The following ADARB2 variants were observed in gnomAD, a reference collection of about 807,000 sequenced individuals.
The protein encoded by ADARB2 is adenosine deaminase RNA specific B2 (inactive), also known as inactive double-stranded RNA-specific editase B2.
Under a neutral mutation model 62.2 loss-of-function variants are expected in ADARB2, and 25 were observed. The observed-to-expected ratio is 0.40, with a 90% CI of 0.29 to 0.56. The LOEUF is 0.56. Among genes scored for constraint, ADARB2 ranks in the 20% least tolerant of loss-of-function variants. The pLI is 0.43. For synonymous variants in ADARB2, 572 were observed against 500.8 expected (o/e 1.14, Z -1.90); for missense variants, 1,071 against 1,077.4 (o/e 0.99, Z 0.08).
chr10:1,373,654 G>T (rs1403620792), intron 2 of ADARB2, among the ~76,000 whole-genome samples: 3 of 152,178 alleles, frequency 2.0e-5, no homozygotes, highest in African/African-American at 7.2e-5. Context: ...CAGAAAGCAG[G>T]ATGGCATGGT....
intron 1 of ADARB2, among the ~76,000 whole-genome samples, chr10:1,580,034 G>A (rs79186033): frequency 0.15 from 22,636 of 152,220 alleles, 2,161 homozygotes; most frequent in Non-Finnish European, 0.21. Context: ...CAACTTGGAC[G>A]AGGCAGACGA....
chr10:1,610,277 G>A (rs1274316284), intron 1 of ADARB2, among the ~76,000 whole-genome samples: 1 of 152,150 alleles, frequency 6.6e-6, no homozygotes, highest in Non-Finnish European at 1.5e-5. Context: ...CAAGGTGCTG[G>A]CTGGGAACCC....
chr10:1,311,617 A>C (rs1831691866), intron 3 of ADARB2, among the ~76,000 whole-genome samples: 2 of 152,082 alleles, frequency 1.3e-5, no homozygotes, highest in Admixed American at 6.5e-5. Flanking sequence ...TAGAGACCCC[A>C]CCACACAGAT....
intron 1 of ADARB2, 78 bp downstream of exon 1, chr10:1,736,973 C>A (rs543652914): frequency 1.4e-6 from 2 of 1,454,738 alleles, no homozygotes; most frequent in Non-Finnish European, 1.9e-6. Context: ...CGGACAAGCC[C>A]GGAGACCCCA....
intron 1 of ADARB2, among the ~76,000 whole-genome samples, chr10:1,683,095 A>T (rs1790629074): frequency 6.6e-6 from 1 of 152,210 alleles, no homozygotes; most frequent in South Asian, 2.1e-4. Flanking sequence ...TTCATGCTTT[A>T]CTTATGGGAT....
chr10:1,405,405 A>G (rs1321167561), intron 1 of ADARB2, among the ~76,000 whole-genome samples: 1 of 152,106 alleles, frequency 6.6e-6, no homozygotes, highest in East Asian at 1.9e-4. Context: ...TAAGGGTTCA[A>G]GATTCAATGT....
chr10:1,327,726 C>T lies in ADARB2; in HGVS notation c.1077+35302G>A, dbSNP rs184486314. ...AGTTTAGTGCCTACCCACAGTTCAG[C>T]ACCTCCCACGGCACAGCGCCTCACT... On this transcript the variant is annotated intron_variant, in intron 3 of 9. Transcript: ENST00000381312. Among the ~76,000 whole-genome samples, 19 of 50,170 alleles carry T rather than the reference C, an allele frequency of 3.8e-4. 2 individuals carry two copies. Among genetic ancestry groups the T allele is most frequent in the Non-Finnish European group, 4.8e-4 (10 of 21,002 alleles). 32.9% of individuals were successfully genotyped at this position (50,170 alleles called of 152,430 possible). A position where few individuals can be genotyped will look rare whatever the true frequency, so the allele number is the denominator to read the frequency against.
chr10:1,367,901 T>C (rs1832327345), intron 2 of ADARB2, among the ~76,000 whole-genome samples: 2 of 152,222 alleles, frequency 1.3e-5, no homozygotes, highest in African/African-American at 4.8e-5. Flanking sequence ...TTTTCCATGG[T>C]ATAAACCATG....
chr10:1,399,171 G>A (rs1832641072), intron 1 of ADARB2, among the ~76,000 whole-genome samples: 1 of 152,194 alleles, frequency 6.6e-6, no homozygotes, highest in African/African-American at 2.4e-5. Flanking sequence ...GCCTACAGGG[G>A]CCAATGGCAG....
intron 2 of ADARB2, among the ~76,000 whole-genome samples, chr10:1,370,059 C>T (rs1832354143): frequency 1.3e-5 from 2 of 152,180 alleles, no homozygotes; most frequent in African/African-American, 4.8e-5. Context: ...GTTGCAGACA[C>T]TCAGAATGCG....
At chr10:1,260,110 C>G (rs1327702495) in intron 4 of ADARB2, among the ~76,000 whole-genome samples, 5 of 129,800 alleles carry the variant, frequency 3.9e-5, no homozygotes, top group Admixed American at 1.5e-4. Flanking sequence ...ACCCTTCATG[C>G]TAAAAAAACC....
chr10:1,498,110 C>T (rs1053051511), intron 1 of ADARB2, among the ~76,000 whole-genome samples: 5 of 152,106 alleles, frequency 3.3e-5, no homozygotes, highest in South Asian at 2.1e-4. Context: ...TGGTGGCTCA[C>T]GCTTGTAATC....
At chr10:1,680,348 TG>T (rs1422684192) in intron 1 of ADARB2, among the ~76,000 whole-genome samples, 2 of 152,108 alleles carry the variant, frequency 1.3e-5, no homozygotes, top group Admixed American at 1.3e-4. Flanking sequence ...AAATAACCTT[TG>T]GGTCCTCCCT....
intron 3 of ADARB2, among the ~76,000 whole-genome samples, chr10:1,330,939 A>C (rs1023587310): frequency 2.0e-5 from 3 of 152,212 alleles, no homozygotes; most frequent in Non-Finnish European, 2.9e-5. Flanking sequence ...CTCAGCAATA[A>C]GTAGGCCCAA....
intron 1 of ADARB2, among the ~76,000 whole-genome samples, chr10:1,633,549 C>T (rs912698805): frequency 5.9e-5 from 6 of 101,610 alleles, no homozygotes; most frequent in Non-Finnish European, 9.1e-5. Flanking sequence ...GTCTATCTAT[C>T]ATCTATCTAT....
At chr10:1,243,855 C>T (rs1053701447) in intron 4 of ADARB2, among the ~76,000 whole-genome samples, 6 of 152,316 alleles carry the variant, frequency 3.9e-5, no homozygotes, top group East Asian at 3.9e-4. Context: ...TTTCTGTGCC[C>T]GAAGAGAACT....
intron 1 of ADARB2, among the ~76,000 whole-genome samples, chr10:1,722,927 A>G (rs1263029603): frequency 1.3e-5 from 2 of 152,210 alleles, no homozygotes; most frequent in East Asian, 3.9e-4. Flanking sequence ...ACCCATATTC[A>G]TATACATGTG....
intron 1 of ADARB2, among the ~76,000 whole-genome samples, chr10:1,409,633 C>T (rs1832739750): frequency 7.1e-6 from 1 of 140,136 alleles, no homozygotes; most frequent in Non-Finnish European, 1.5e-5. Flanking sequence ...GTCAGTGGTG[C>T]CGAGGCCTGG....
At chr10:1,609,634 A>G (rs1397082479) in intron 1 of ADARB2, among the ~76,000 whole-genome samples, 2 of 152,230 alleles carry the variant, frequency 1.3e-5, no homozygotes, top group Non-Finnish European at 2.9e-5. Flanking sequence ...GTGCTCTCTT[A>G]ACTGTGTGTC....
Sources: gnomAD v4.1 joint callset for allele counts (sites outside exome capture counted in the v4.1 genomes callset) on GRCh38, gnomAD v4.1.1 for gene constraint, MANE v1.5 for transcripts, NCBI Gene and HGNC (gene_info 2026-07-23, HGNC 2026-07-21) for gene names.